Variants in CYP4F12 observed in about 807,000 individuals in gnomAD.
CYP4F12 encodes cytochrome P450 4F12.
A neutral mutation model predicts 56.5 loss-of-function variants in CYP4F12; 60 were observed. The ratio of observed to expected loss-of-function variants is 1.06; its 90% CI spans 0.86 to 1.32. The LOEUF (loss-of-function observed/expected upper bound fraction) is 1.32. Among genes scored for constraint, CYP4F12 ranks in the 40% most tolerant of loss-of-function variants. The probability of loss-of-function intolerance (pLI) is 0.00; values close to 1 mark genes in which losing one functional copy is unlikely to be tolerated. For missense variants in CYP4F12, 711 were observed against 683.5 expected, an observed-to-expected ratio of 1.04 and a Z score of -0.45; for synonymous variants, 263 against 264.9, an observed-to-expected ratio of 0.99 and a Z score of 0.07.
chr19:15,686,916 C>T (rs954337626), intron 9 of CYP4F12, among the ~76,000 whole-genome samples: 1 of 152,206 alleles, frequency 6.6e-6, no homozygotes, highest in Non-Finnish European at 1.5e-5. Flanking sequence ...AAGGTGGCAA[C>T]ACTTTTTATG....
In CYP4F12 at chr19:15,696,762, A is replaced by G. The variant is rs562873835; in HGVS notation, c.1398-146A>G. Reference sequence around the variant, plus strand: ...CCCAGTCTCCGGGACATACAAGCCCACATGGGAGTCCCAGGCACGCTTAGT... The same window carrying G: ...CCCAGTCTCCGGGACATACAAGCCCGCATGGGAGTCCCAGGCACGCTTAGT... On this transcript the variant is annotated intron_variant, in intron 12 of 12. Transcript: ENST00000550308. 16 of 1,181,746 alleles carry G rather than the reference A, an allele frequency of 1.4e-5. No homozygotes were observed. In the East Asian group the frequency reaches 4.1e-4, roughly 30 times the overall value. 73.2% of individuals were successfully genotyped at this position (1,181,746 alleles called of 1,614,324 possible).
intron 9 of CYP4F12, 55 bp from the exon 10 acceptor site, chr19:15,695,880 TG>T: frequency 1.3e-6 from 2 of 1,561,692 alleles, no homozygotes; most frequent in Non-Finnish European, 1.7e-6. Context: ...ATAGAAAAGG[TG>T]GAGAGTTGTG....
At chr19:15,685,274 T>A in intron 9 of CYP4F12, 77 bp downstream of exon 9, 4 of 1,554,478 alleles carry the variant, frequency 2.6e-6, no homozygotes, top group Non-Finnish European at 3.5e-6. Context: ...GTGGAGGAGT[T>A]GTTTTGTGGA....
chr19:15,680,481 T>A lies in CYP4F12; in HGVS notation c.487T>A (p.Tyr163Asn), dbSNP rs192633367. The stretch of plus-strand genomic sequence containing the variant: ...CTTCCATTTCAACATCCTGAAGTCC[T>A]ATATAACGATCTTCAACAAGAGTGC... Reference protein sequence around the residue: ...PAFHFNILKSYITIFNKSANI... With the variant: ...PAFHFNILKSNITIFNKSANI... Residue 163 changes from tyrosine (Y) to asparagine (N), a missense_variant, in exon 5 of 13, where the codon TAT becomes AAT. Transcript: ENST00000550308. 51 of 1,614,166 alleles carry A rather than the reference T, an allele frequency of 3.2e-5. No individual in the cohort carries two copies. The highest frequency in any genetic ancestry group is 4.2e-5 in the Non-Finnish European group (50 of 1,180,020).
At chr19:15,678,148 C>G in intron 2 of CYP4F12, 113 bp from the exon 3 acceptor site, 3 of 1,373,954 alleles carry the variant, frequency 2.2e-6, no homozygotes, top group Non-Finnish European at 3.1e-6. Flanking sequence ...AACACCCTCA[C>G]AGACACACAC....
At chr19:15,686,511 G>A (rs1174186161) in intron 9 of CYP4F12, among the ~76,000 whole-genome samples, 1 of 151,998 alleles carries the variant, frequency 6.6e-6, no homozygotes, top group African/African-American at 2.4e-5. Context: ...GTGAGGGAGA[G>A]CAAGATAAAG....
chr19:15,693,562 G>T (rs1211232367), intron 9 of CYP4F12, among the ~76,000 whole-genome samples: 1 of 146,420 alleles, frequency 6.8e-6, no homozygotes, highest in African/African-American at 2.6e-5. Flanking sequence ...AAATTTGTTT[G>T]ACTTCATTGT....
At chr19:15,696,632 G>A (rs2008154593) in intron 12 of CYP4F12, 120 bp downstream of exon 12, 1 of 1,282,676 alleles carries the variant, frequency 7.8e-7, no homozygotes, top group East Asian at 2.3e-5. Flanking sequence ...CACAGTTTAT[G>A]GGAAAACGTC....
chr19:15,684,320 G>A (rs2007481615), intron 7 of CYP4F12: 1 of 157,068 alleles, frequency 6.4e-6, no homozygotes, highest in African/African-American at 2.4e-5. Context: ...GAGAGAGAAT[G>A]CTTTGTTCTG....
chr19:15,695,927 T>G lies in CYP4F12; in HGVS notation c.1116-9T>G. The G allele has an allele frequency of 6.2e-7, 1 of 1,610,084 alleles. No homozygotes were observed. The highest frequency in any genetic ancestry group is 8.5e-7 in the Non-Finnish European group (1 of 1,178,746). ...CTTGATAATGACTGGGGCTGGGGTGTTTCCTTAGGGACGACCTGGCCCAGC... is the reference window on the plus strand; with the variant it reads ...CTTGATAATGACTGGGGCTGGGGTGGTTCCTTAGGGACGACCTGGCCCAGC... On this transcript the variant is annotated splice_polypyrimidine_tract_variant and intron_variant, in intron 9 of 12. Coordinates refer to ENST00000550308, the MANE Select transcript of CYP4F12 (RefSeq NM_023944.4).
chr19:15,674,910 C>T (rs2006844237), intron 2 of CYP4F12, among the ~76,000 whole-genome samples: 1 of 152,232 alleles, frequency 6.6e-6, no homozygotes, highest in Non-Finnish European at 1.5e-5. Flanking sequence ...ACCTTCTCCA[C>T]TGCTGGACTT....
chr19:15,688,632 A>G (rs1415242843), intron 9 of CYP4F12, among the ~76,000 whole-genome samples: 2 of 152,206 alleles, frequency 1.3e-5, no homozygotes, highest in African/African-American at 4.8e-5. Context: ...TGGAACCAAA[A>G]CAGAGCCTGT....
At chr19:15,682,968 C>G (rs994437698) in intron 6 of CYP4F12, among the ~76,000 whole-genome samples, 4 of 152,088 alleles carry the variant, frequency 2.6e-5, no homozygotes, top group African/African-American at 7.2e-5. Flanking sequence ...AATTCCTGAC[C>G]TCAGGTGATG....
intron 2 of CYP4F12, among the ~76,000 whole-genome samples, chr19:15,676,986 C>A (rs1210633722): frequency 6.7e-6 from 1 of 149,470 alleles, no homozygotes; most frequent in Non-Finnish European, 1.5e-5. Flanking sequence ...TTCACTCATT[C>A]CTCTCCTCAC....
intron 3 of CYP4F12, among the ~76,000 whole-genome samples, chr19:15,679,515 T>C (rs1219846889): frequency 6.6e-6 from 1 of 152,212 alleles, no homozygotes; most frequent in African/African-American, 2.4e-5. Context: ...GTTATATCTT[T>C]TCTGTTTAAC....
chr19:15,696,758 G>A, intron 12 of CYP4F12, 150 bp from the exon 13 acceptor site: 1 of 1,157,930 alleles, frequency 8.6e-7, no homozygotes, highest in Non-Finnish European at 1.2e-6. Flanking sequence ...GGACATACAA[G>A]CCCACATGGG....
intron 5 of CYP4F12, 67 bp downstream of exon 5, chr19:15,680,586 C>T (rs1768410756): frequency 1.2e-6 from 2 of 1,610,818 alleles, no homozygotes; most frequent in African/African-American, 2.7e-5. Flanking sequence ...CACATCTGGT[C>T]TGGAATTTTG....
chr19:15,673,778 AGAG>A, intron 2 of CYP4F12, 51 bp downstream of exon 2: 1 of 1,599,770 alleles, frequency 6.3e-7, no homozygotes, highest in South Asian at 1.1e-5. Context: ...ATGGACTTCC[AGAG>A]GAGCAGGAAT....
chr19:15,680,052 T>C (rs2007196681), intron 3 of CYP4F12, among the ~76,000 whole-genome samples, 192 bp from the exon 4 acceptor site: 1 of 152,204 alleles, frequency 6.6e-6, no homozygotes, highest in Non-Finnish European at 1.5e-5. Context: ...TTAGGTTGTG[T>C]CATAGCTTTA....
Sources: gnomAD v4.1 joint callset for allele counts (sites outside exome capture counted in the v4.1 genomes callset) on GRCh38, gnomAD v4.1.1 for gene constraint, MANE v1.5 for transcripts, NCBI Gene and HGNC (gene_info 2026-07-23, HGNC 2026-07-21) for gene names.